IPO11: variants seen among roughly 807,000 people sequenced by gnomAD.
IPO11 encodes importin 11.
IPO11 carries 66 observed loss-of-function variants against 143.2 expected under a neutral mutation model. That is an observed-to-expected ratio of 0.46 (90% CI 0.38 to 0.57). The LOEUF (loss-of-function observed/expected upper bound fraction) is 0.57, where lower values mean the gene tolerates loss of function less well. Ranked by LOEUF, IPO11 falls within the 20% of genes least tolerant of loss-of-function variation. The pLI is 0.00. For synonymous variants in IPO11, 385 were observed against 377.8 expected, an observed-to-expected ratio of 1.02 and a Z score of -0.22; for missense variants, 1,026 against 1,141.0, an observed-to-expected ratio of 0.90 and a Z score of 1.45.
chr5:62,450,003 A>G lies in IPO11; in HGVS notation c.312+4A>G. 1 of 1,578,834 alleles carries G rather than the reference A, an allele frequency of 6.3e-7. No homozygotes were observed. ...CTTCAATGAACCAATAAACCAGGTTAGTGAGAAATGAATGCTAATTTTTCT... is the reference window on the plus strand; with the variant it reads ...CTTCAATGAACCAATAAACCAGGTTGGTGAGAAATGAATGCTAATTTTTCT... On this transcript the variant is annotated splice_donor_region_variant and intron_variant, in intron 4 of 29. Coordinates refer to ENST00000325324, the MANE Select transcript of IPO11 (RefSeq NM_016338.5).
In IPO11 at chr5:62,601,796, A is replaced by G. The variant is rs765020164; in HGVS notation, c.2711A>G (p.Lys904Arg). 1.3e-6 allele frequency: 2 copies of G among 1,594,804 alleles called. No individual in the cohort carries two copies. Among genetic ancestry groups the G allele is most frequent in the Non-Finnish European group, 1.7e-6 (2 of 1,170,396 alleles). ...CMLMSHLEEP[K>R]VTEDEEPPTE... The stretch of plus-strand genomic sequence containing the variant: ...TTGATGTCTCATCTTGAGGAACCAA[A>G]AGTAACAGAAGATGAAGAACCACCC... Residue 904 changes from lysine (K) to arginine (R), a missense_variant, in exon 29 of 30, where the codon AAA becomes AGA. By Grantham distance (26) the Lys-to-Arg change is conservative. Around this residue, in one of 5 missense-constraint regions of IPO11, gnomAD observed 351 missense variants for 358.9 expected, o/e 0.98. Coordinates refer to ENST00000325324, the MANE Select transcript of IPO11 (RefSeq NM_016338.5).
At chr5:62,505,210 C>G (rs1741513924) in intron 18 of IPO11, among the ~76,000 whole-genome samples, 1 of 151,466 alleles carries the variant, frequency 6.6e-6, no homozygotes, top group Non-Finnish European at 1.5e-5. Flanking sequence ...GTGTCTGTTA[C>G]TTTTTTGCTC....
chr5:62,484,628 G>A (rs26637), intron 11 of IPO11, among the ~76,000 whole-genome samples: 88,935 of 149,092 alleles, frequency 0.6, 26,715 homozygotes, highest in South Asian at 0.68. Flanking sequence ...GAATAAGTCT[G>A]TTGGGACCCT....
rs570668152 is a variant in IPO11, at chr5:62,484,773, G to A, written c.1174+611G>A. On this transcript the variant is annotated intron_variant, in intron 11 of 29. Coordinates refer to ENST00000325324, the MANE Select transcript of IPO11 (RefSeq NM_016338.5). ...GTTGTGTACCCTTGTGTAGTTACAC[G>A]TTTCCTAATATTTTAAGAGTGCCCA... 3.3e-5 allele frequency among the ~76,000 whole-genome samples: 5 copies of A among 151,738 alleles called. No homozygotes were observed. The South Asian group carries it at 6.2e-4, about 19-fold the overall frequency.
chr5:62,430,402 C>T (rs148901008), intron 1 of IPO11, among the ~76,000 whole-genome samples: 334 of 152,164 alleles, frequency 2.2e-3, no homozygotes, highest in African/African-American at 7.6e-3. Context: ...TAGTAGTGGG[C>T]CTTGACCTCC....
chr5:62,492,089 T>A (rs1746635418), intron 15 of IPO11, among the ~76,000 whole-genome samples: 1 of 152,142 alleles, frequency 6.6e-6, no homozygotes, highest in African/African-American at 2.4e-5. Flanking sequence ...CTTGTTAAAG[T>A]TTAGGTTTTG....
intron 1 of IPO11, among the ~76,000 whole-genome samples, chr5:62,431,415 A>C (rs2112116874): frequency 6.6e-6 from 1 of 151,728 alleles, no homozygotes; most frequent in South Asian, 2.1e-4. Flanking sequence ...TTTGAGACAA[A>C]GTCTTGCTCT....
chr5:62,585,002 A>AT (rs939566702), intron 27 of IPO11, among the ~76,000 whole-genome samples: 30 of 152,174 alleles, frequency 2.0e-4, no homozygotes, highest in Admixed American at 1.7e-3. Flanking sequence ...TAGTTTTCTT[A>AT]TCCTGAATAA....
At chr5:62,566,017 C>A (rs1182704979) in intron 27 of IPO11, among the ~76,000 whole-genome samples, 1 of 152,162 alleles carries the variant, frequency 6.6e-6, no homozygotes, top group African/African-American at 2.4e-5. Context: ...TTTCCTTTAT[C>A]CAGTCTATCA....
At chr5:62,463,855 G>A (rs1186648634) in intron 5 of IPO11, among the ~76,000 whole-genome samples, 2 of 148,434 alleles carry the variant, frequency 1.3e-5, no homozygotes, top group African/African-American at 2.5e-5. Flanking sequence ...ACAGAGTCTC[G>A]CTCTGTTACG....
chr5:62,579,888 A>G, intron 27 of IPO11: 1 of 1,550,830 alleles, frequency 6.4e-7, no homozygotes, highest in South Asian at 1.2e-5. Context: ...TTCCGAGAGG[A>G]GTATTTAATG....
chr5:62,624,579 A>G (rs1746492570), intron 29 of IPO11, among the ~76,000 whole-genome samples: 1 of 152,114 alleles, frequency 6.6e-6, no homozygotes, highest in Non-Finnish European at 1.5e-5. Context: ...CTAGGTCTTT[A>G]TGACCTGTAT....
intron 27 of IPO11, chr5:62,561,748 C>A (rs2112367517): frequency 6.6e-6 from 1 of 151,730 alleles, no homozygotes; most frequent in South Asian, 2.1e-4. Context: ...AAAGCAAATA[C>A]AGAATGCTTT....
At chr5:62,489,431 G>A in intron 14 of IPO11, 82 bp downstream of exon 14, 1 of 975,560 alleles carries the variant, frequency 1.0e-6, no homozygotes, top group Non-Finnish European at 1.5e-6. Context: ...TTGTGCTGAG[G>A]GTGTTGAGAT....
chr5:62,529,284 A>G (rs779098188), intron 21 of IPO11, among the ~76,000 whole-genome samples: 6 of 152,138 alleles, frequency 3.9e-5, no homozygotes, highest in Admixed American at 1.3e-4. Flanking sequence ...AGTATCAGCT[A>G]TATCTTATTA....
chr5:62,576,355 A>G (rs1744313432), intron 27 of IPO11: 1 of 152,236 alleles, frequency 6.6e-6, no homozygotes, highest in Non-Finnish European at 1.5e-5. Flanking sequence ...TTAATTGCAA[A>G]TCCCATTTCA....
intron 27 of IPO11, among the ~76,000 whole-genome samples, chr5:62,571,050 A>G (rs1265525746): frequency 6.6e-6 from 1 of 152,262 alleles, no homozygotes; most frequent in Non-Finnish European, 1.5e-5. Flanking sequence ...AAAAGTACTC[A>G]GAGGAGTAAA....
intron 28 of IPO11, among the ~76,000 whole-genome samples, chr5:62,596,907 A>G (rs1745248385): frequency 6.6e-6 from 1 of 152,116 alleles, no homozygotes; most frequent in Non-Finnish European, 1.5e-5. Context: ...CATGCCATAC[A>G]CTTATGGCTT....
At chr5:62,541,371 CAAA>C (rs368334894) in intron 24 of IPO11, among the ~76,000 whole-genome samples, 4 of 115,990 alleles carry the variant, frequency 3.4e-5, no homozygotes, top group African/African-American at 3.2e-5. Context: ...AACGCTGTCT[CAAA>C]AAAAAAAAAA....
Sources: gnomAD v4.1 joint callset for allele counts (sites outside exome capture counted in the v4.1 genomes callset) on GRCh38, gnomAD v4.1.1 for gene constraint, gnomAD v4.1.1 regional missense constraint, MANE v1.5 for transcripts, NCBI Gene and HGNC (gene_info 2026-07-23, HGNC 2026-07-21) for gene names.